The following ARL15 variants were observed in gnomAD, a reference collection of about 807,000 sequenced individuals.
ARL15 encodes ADP-ribosylation factor-like protein 15.
A neutral mutation model predicts 25.2 loss-of-function variants in ARL15; 19 were observed. That is an observed-to-expected ratio of 0.75 (90% CI 0.53 to 1.10). ARL15 has a LOEUF of 1.10. Among genes scored for constraint, ARL15 ranks in the 50% least tolerant of loss-of-function variants. The pLI is 0.00. For synonymous variants in ARL15, 94 were observed against 86.8 expected, an observed-to-expected ratio of 1.08 and a Z score of -0.46; for missense variants, 220 against 246.0, an observed-to-expected ratio of 0.89 and a Z score of 0.71.
chr5:54,141,319 C>T (rs1287325473), intron 3 of ARL15, among the ~76,000 whole-genome samples: 1 of 151,936 alleles, frequency 6.6e-6, no homozygotes, highest in African/African-American at 2.4e-5. Flanking sequence ...TATACGATTA[C>T]CTAGAAACTG....
intron 1 of ARL15, among the ~76,000 whole-genome samples, chr5:54,188,334 G>C (rs27677): frequency 0.31 from 46,893 of 151,962 alleles, 7,671 homozygotes; most frequent in African/African-American, 0.38. Flanking sequence ...TATAGAAAAG[G>C]ACATTAGGCC....
intron 2 of ARL15, among the ~76,000 whole-genome samples, chr5:54,164,435 A>G (rs1754508239): frequency 1.3e-5 from 2 of 152,192 alleles, no homozygotes; most frequent in East Asian, 1.9e-4. Flanking sequence ...TTCTTCCCAC[A>G]TGATCTATAA....
chr5:54,148,669 G>A (rs983988262), intron 3 of ARL15, among the ~76,000 whole-genome samples: 2 of 152,148 alleles, frequency 1.3e-5, no homozygotes, highest in Admixed American at 6.5e-5. Context: ...TGTCAATTGC[G>A]AAGACACCAC....
chr5:54,200,912 T>C (rs910933801), intron 1 of ARL15, among the ~76,000 whole-genome samples: 2 of 152,202 alleles, frequency 1.3e-5, no homozygotes, highest in Non-Finnish European at 2.9e-5. Flanking sequence ...TCACTTGTTA[T>C]AGTAACAAAA....
intron 1 of ARL15, among the ~76,000 whole-genome samples, chr5:54,180,282 G>T (rs958786445): frequency 2.6e-5 from 4 of 152,080 alleles, no homozygotes; most frequent in African/African-American, 9.7e-5. Context: ...GAAGGAGAAG[G>T]TCTATAATGA....
intron 1 of ARL15, among the ~76,000 whole-genome samples, chr5:54,236,407 G>GACAC (rs72439978): frequency 0.031 from 4,306 of 140,682 alleles, 127 homozygotes; most frequent in African/African-American, 0.074. Context: ...ACTAAACACA[G>GACAC]ACACACACAC....
At chr5:53,941,094 G>A (rs1487554308) in intron 4 of ARL15, among the ~76,000 whole-genome samples, 3 of 151,982 alleles carry the variant, frequency 2.0e-5, no homozygotes, top group African/African-American at 7.3e-5. Flanking sequence ...AAATATCAAT[G>A]GTTTATTTCA....
chr5:53,946,856 G>T (rs936850314), intron 4 of ARL15, among the ~76,000 whole-genome samples: 2 of 152,162 alleles, frequency 1.3e-5, no homozygotes, highest in African/African-American at 2.4e-5. Context: ...CACCATTTTG[G>T]CTTTTTATGC....
At chr5:53,950,444 G>A (rs376219782) in intron 4 of ARL15, among the ~76,000 whole-genome samples, 5 of 152,098 alleles carry the variant, frequency 3.3e-5, no homozygotes, top group Admixed American at 1.3e-4. Flanking sequence ...GGAGACAGAG[G>A]GGGAATCTGA....
At chr5:54,030,340 T>C (rs971402609) in intron 4 of ARL15, among the ~76,000 whole-genome samples, 1 of 152,194 alleles carries the variant, frequency 6.6e-6, no homozygotes, top group Non-Finnish European at 1.5e-5. Flanking sequence ...TGTGGACTGC[T>C]CCATAGAAAT....
intron 3 of ARL15, among the ~76,000 whole-genome samples, chr5:54,139,248 G>A (rs1753698795): frequency 6.6e-6 from 1 of 152,098 alleles, no homozygotes; most frequent in Non-Finnish European, 1.5e-5. Context: ...CAACTGCAAA[G>A]ATATGGAACC....
intron 2 of ARL15, among the ~76,000 whole-genome samples, chr5:54,168,399 C>CT (rs10611567): frequency 0.012 from 1,770 of 148,670 alleles, 20 homozygotes; most frequent in Non-Finnish European, 0.019. Context: ...ATTCTCCCTA[C>CT]TTTTTTTTTT....
intron 1 of ARL15, among the ~76,000 whole-genome samples, chr5:54,258,552 A>C (rs1445376448): frequency 6.6e-6 from 1 of 152,194 alleles, no homozygotes; most frequent in East Asian, 1.9e-4. Context: ...GTCCTAGATC[A>C]CAAGCTGATC....
At chr5:53,965,421 G>A (rs1311431372) in intron 4 of ARL15, among the ~76,000 whole-genome samples, 1 of 152,102 alleles carries the variant, frequency 6.6e-6, no homozygotes, top group Non-Finnish European at 1.5e-5. Flanking sequence ...GAAACTGATT[G>A]ACAACAGTTG....
intron 4 of ARL15, among the ~76,000 whole-genome samples, chr5:54,045,072 G>A (rs897240291): frequency 7.2e-5 from 11 of 152,260 alleles, no homozygotes; most frequent in African/African-American, 2.2e-4. Flanking sequence ...GTTATATAAC[G>A]TTCCCAGAAA....
chr5:53,965,045 C>T (rs1444465641), intron 4 of ARL15, among the ~76,000 whole-genome samples: 1 of 152,146 alleles, frequency 6.6e-6, no homozygotes, highest in Non-Finnish European at 1.5e-5. Context: ...AAAATCTTTG[C>T]CAGGAAGTCC....
intron 1 of ARL15, among the ~76,000 whole-genome samples, chr5:54,241,190 A>G (rs1486132062): frequency 6.6e-6 from 1 of 152,232 alleles, no homozygotes; most frequent in Non-Finnish European, 1.5e-5. Flanking sequence ...AAAGAAAGAA[A>G]GAAAAAATAA....
At chr5:54,041,060 C>T (rs973193029) in intron 4 of ARL15, among the ~76,000 whole-genome samples, 14 of 152,148 alleles carry the variant, frequency 9.2e-5, no homozygotes, top group Admixed American at 1.3e-4. Context: ...AAGTAACATA[C>T]GCCTCAAAGG....
chr5:54,172,115 C>A (rs1425890516), intron 1 of ARL15, among the ~76,000 whole-genome samples, 187 bp from the exon 2 acceptor site: 1 of 152,152 alleles, frequency 6.6e-6, no homozygotes, highest in African/African-American at 2.4e-5. Flanking sequence ...TCAAAGTTAA[C>A]ATTCTTAGTT....
Sources: gnomAD v4.1 joint callset for allele counts (sites outside exome capture counted in the v4.1 genomes callset) on GRCh38, gnomAD v4.1.1 for gene constraint, MANE v1.5 for transcripts, NCBI Gene and HGNC (gene_info 2026-07-23, HGNC 2026-07-21) for gene names.